DNAH6: variants seen among roughly 807,000 people sequenced by gnomAD.
DNAH6 encodes the protein axonemal beta dynein heavy chain 6.
A neutral mutation model predicts 491.4 loss-of-function variants in DNAH6; 340 were observed. The observed-to-expected ratio is 0.69, with a 90% CI of 0.63 to 0.76. The LOEUF is 0.76. Ranked by LOEUF, DNAH6 falls within the 30% of genes least tolerant of loss-of-function variation. The pLI is 0.00. For synonymous variants in DNAH6, 1,603 were observed against 1,686.1 expected (o/e 0.95, Z 1.21); for missense variants, 4,443 against 4,972.2 (o/e 0.89, Z 3.20).
At chr2:84,634,845 A>G (rs1332694206) in intron 30 of DNAH6, among the ~76,000 whole-genome samples, 3 of 152,184 alleles carry the variant, frequency 2.0e-5, no homozygotes, top group Non-Finnish European at 4.4e-5. Flanking sequence ...TGGTCCTGTT[A>G]TTTAAAATTT....
intron 63 of DNAH6, chr2:84,751,289 G>A (rs1170584752): frequency 6.6e-6 from 1 of 152,250 alleles, no homozygotes; most frequent in East Asian, 1.9e-4. Context: ...CCTCTGTGAT[G>A]AGAGAGTTCA....
At chr2:84,604,276 GAACCTGTGGGTT>G (rs1271327695) in intron 18 of DNAH6, 51 bp from the exon 19 acceptor site, 11 of 1,330,476 alleles carry the variant, frequency 8.3e-6, no homozygotes, top group Admixed American at 8.0e-5. Context: ...ATTGAAACCA[GAACCTGTGGGTT>G]ATATTTTTAA....
intron 71 of DNAH6, among the ~76,000 whole-genome samples, chr2:84,807,552 C>T (rs1395940923): frequency 1.3e-5 from 2 of 152,116 alleles, no homozygotes; most frequent in East Asian, 1.9e-4. Flanking sequence ...AGTCTCCTGC[C>T]CCCAACCTTT....
At chr2:84,583,070 G>A (rs1053726186) in intron 14 of DNAH6, among the ~76,000 whole-genome samples, 8 of 152,298 alleles carry the variant, frequency 5.3e-5, no homozygotes, top group African/African-American at 1.9e-4. Flanking sequence ...CCCAAAACTG[G>A]GGTATCCCTT....
chr2:84,718,747 G>A (rs1558955076), intron 59 of DNAH6, among the ~76,000 whole-genome samples: 1 of 152,180 alleles, frequency 6.6e-6, no homozygotes, highest in African/African-American at 2.4e-5. Flanking sequence ...AACTTCTATA[G>A]TGTCTTATCT....
At chr2:84,683,409 C>CTTCTTTT (rs1355979194) in intron 42 of DNAH6, among the ~76,000 whole-genome samples, 1 of 83,716 alleles carries the variant, frequency 1.2e-5, no homozygotes, top group Admixed American at 1.6e-4. Flanking sequence ...CTACACCACT[C>CTTCTTTT]TTATTTTTTT....
chr2:84,659,296 T>C (rs1558867136), intron 37 of DNAH6, 127 bp downstream of exon 37: 3 of 505,684 alleles, frequency 5.9e-6, no homozygotes, highest in Non-Finnish European at 9.2e-6. Flanking sequence ...CCTAAAATTA[T>C]TCATGTTTTT....
At chr2:84,476,472 GCTAGTAAAACATA>G in the DNAH6 span, among the ~76,000 whole-genome samples, 15 of 152,160 alleles carry the variant, frequency 9.9e-5, 1 homozygote, top group Admixed American at 9.8e-4. Flanking sequence ...GAACCGACGG[GCTAGTAAAACATA>G]CTTTTTTCAG....
At chr2:84,798,662 C>T (rs1307729314) in intron 70 of DNAH6, among the ~76,000 whole-genome samples, 1 of 152,210 alleles carries the variant, frequency 6.6e-6, no homozygotes, top group African/African-American at 2.4e-5. Context: ...ATTCCATGCA[C>T]CCCTTTGCCT....
At chr2:84,629,062 G>T (rs1290761262) in intron 29 of DNAH6, among the ~76,000 whole-genome samples, 1 of 152,052 alleles carries the variant, frequency 6.6e-6, no homozygotes, top group Non-Finnish European at 1.5e-5. Context: ...TTTCCACTGA[G>T]CACTTTGTCT....
intron 7 of DNAH6, 138 bp from the exon 8 acceptor site, chr2:84,548,150 T>C: frequency 1.2e-6 from 1 of 853,744 alleles, no homozygotes; most frequent in Non-Finnish European, 1.8e-6. Context: ...AATTGGGCTG[T>C]TTTTCAGGTT....
intron 64 of DNAH6, among the ~76,000 whole-genome samples, chr2:84,766,079 G>T (rs1473879091): frequency 6.6e-6 from 1 of 151,936 alleles, no homozygotes; most frequent in African/African-American, 2.4e-5. Context: ...CAAAAATGGA[G>T]AAATTTATAC....
At chr2:84,781,708 T>C in intron 65 of DNAH6, 55 bp downstream of exon 65, 1 of 1,480,646 alleles carries the variant, frequency 6.8e-7, no homozygotes, top group Non-Finnish European at 9.0e-7. Flanking sequence ...TAACCTTTTC[T>C]TGTTGAATTC....
In DNAH6 at chr2:84,801,744, C is replaced by T. The variant is rs189575753; in HGVS notation, c.11482-3921C>T. 5.3e-5 allele frequency among the ~76,000 whole-genome samples: 8 copies of T among 151,770 alleles called. No homozygotes were observed. The East Asian group carries it at 9.7e-4, about 18-fold the overall frequency. ...ACTAAAATACAAAAAATTAGCTGGA[C>T]GTGGTGGTGTGAACCTGTAATCCCA... On this transcript the variant is annotated intron_variant, in intron 70 of 76. Coordinates refer to ENST00000389394, the MANE Select transcript of DNAH6 (RefSeq NM_001370.2).
At chr2:84,494,914 T>C in the DNAH6 span, among the ~76,000 whole-genome samples, 1 of 152,196 alleles carries the variant, frequency 6.6e-6, no homozygotes, top group Non-Finnish European at 1.5e-5. Flanking sequence ...AGATTCTGCA[T>C]GACTAGCAAG....
chr2:84,709,496 T>A lies in DNAH6; in HGVS notation c.9202T>A (p.Leu3068Met), dbSNP rs1453890860. The change falls in exon 55 of 77, where the codon TTG (leucine) becomes ATG (methionine). Residue 3068 changes from leucine to methionine, a missense_variant. Leu to Met is a conservative substitution (Grantham distance 15). Coordinates refer to ENST00000389394, the MANE Select transcript of DNAH6 (RefSeq NM_001370.2). ...RDLISTENGI[L>M]VTQGRRWPLM... is the part of the protein sequence containing the mutation. ...CTTGATATCAACAGAAAATGGCATT[T>A]TGGTTACTCAAGGCAGAAGATGGCC... 4.5e-6 allele frequency: 7 copies of A among 1,551,634 alleles called. No homozygotes were observed. The highest frequency in any genetic ancestry group is 6.1e-6 in the Non-Finnish European group (7 of 1,146,990).
intron 41 of DNAH6, among the ~76,000 whole-genome samples, chr2:84,679,024 T>C (rs1693522619): frequency 6.6e-6 from 1 of 152,158 alleles, no homozygotes; most frequent in African/African-American, 2.4e-5. Flanking sequence ...GTCTGTCCTG[T>C]CCTTCATTAC....
At chr2:84,621,385 A>G in intron 25 of DNAH6, 30 bp downstream of exon 25, 1 of 1,548,580 alleles carries the variant, frequency 6.5e-7, no homozygotes, top group African/African-American at 1.4e-5. Context: ...CATATCCCTG[A>G]ATTCTTATTT....
At chr2:84,681,192 C>T (rs999322977) in intron 41 of DNAH6, among the ~76,000 whole-genome samples, 165 bp from the exon 42 acceptor site, 1 of 152,180 alleles carries the variant, frequency 6.6e-6, no homozygotes, top group Non-Finnish European at 1.5e-5. Context: ...TGAGCGCATT[C>T]TCAAGAATGT....
Sources: allele counts gnomAD v4.1 joint callset (sites outside exome capture counted in the v4.1 genomes callset), GRCh38; gene constraint gnomAD v4.1.1; transcripts MANE v1.5; gene names NCBI Gene and HGNC (gene_info 2026-07-23, HGNC 2026-07-21).